The following EFCAB11 variants were observed in gnomAD, a reference collection of about 807,000 sequenced individuals.
The protein encoded by EFCAB11 is EF-hand calcium-binding domain-containing protein 11.
EFCAB11 carries 14 observed loss-of-function variants against 23.0 expected under a neutral mutation model. That is an observed-to-expected ratio of 0.61 (90% CI 0.40 to 0.95). EFCAB11 has a LOEUF of 0.95. Among genes scored for constraint, EFCAB11 ranks in the 40% least tolerant of loss-of-function variants. The probability of loss-of-function intolerance (pLI) is 0.00; values close to 1 mark genes in which losing one functional copy is unlikely to be tolerated. For synonymous variants in EFCAB11, 65 were observed against 66.6 expected (o/e 0.98, Z 0.11); for missense variants, 198 against 195.8 (o/e 1.01, Z -0.07).
At chr14:89,840,487 A>G (rs977329196) in intron 5 of EFCAB11, among the ~76,000 whole-genome samples, 2 of 152,240 alleles carry the variant, frequency 1.3e-5, no homozygotes, top group African/African-American at 4.8e-5. Flanking sequence ...CTTAGGAGGC[A>G]TCTCTTTCAG....
intron 2 of EFCAB11, among the ~76,000 whole-genome samples, chr14:89,951,137 ATAT>A (rs1257649927): frequency 6.6e-6 from 1 of 152,170 alleles, no homozygotes; most frequent in Non-Finnish European, 1.5e-5. Flanking sequence ...AATAGCCAGC[ATAT>A]TATTTAACGA....
At chr14:89,836,762 T>A (rs1470234708) in intron 5 of EFCAB11, 2 of 428,370 alleles carry the variant, frequency 4.7e-6, no homozygotes, top group Non-Finnish European at 9.4e-6. Flanking sequence ...CTTACACCTG[T>A]AATCCCAGCA....
intron 3 of EFCAB11, among the ~76,000 whole-genome samples, chr14:89,949,537 TG>T (rs1177127231): frequency 6.6e-6 from 1 of 151,540 alleles, no homozygotes; most frequent in Non-Finnish European, 1.5e-5. Flanking sequence ...GCTAATTTTT[TG>T]TATTTTTAGT....
intron 5 of EFCAB11, among the ~76,000 whole-genome samples, chr14:89,828,507 T>C (rs74082125): frequency 1.3e-3 from 204 of 152,296 alleles, no homozygotes; most frequent in African/African-American, 4.3e-3. Flanking sequence ...TCATAGTGCT[T>C]TTCCCCAGAA....
chr14:89,822,302 T>C (rs1404782564), intron 5 of EFCAB11, among the ~76,000 whole-genome samples: 1 of 152,232 alleles, frequency 6.6e-6, no homozygotes, highest in Non-Finnish European at 1.5e-5. Context: ...ATATGTATTA[T>C]TAAAACTCAG....
At chr14:89,909,441 T>C (rs1889594575) in intron 5 of EFCAB11, among the ~76,000 whole-genome samples, 1 of 151,848 alleles carries the variant, frequency 6.6e-6, no homozygotes, top group African/African-American at 2.4e-5. Context: ...TAGCTGGGAG[T>C]GGTGGCATGC....
chr14:89,806,971 G>A (rs1274602223), intron 5 of EFCAB11, among the ~76,000 whole-genome samples: 2 of 152,148 alleles, frequency 1.3e-5, no homozygotes, highest in Non-Finnish European at 1.5e-5. Context: ...GGAAACATAA[G>A]CATATATAAA....
At chr14:89,836,628 A>T (rs1418068738) in intron 5 of EFCAB11, 2 of 456,576 alleles carry the variant, frequency 4.4e-6, no homozygotes, top group Non-Finnish European at 4.4e-6. Context: ...TCCCAAATAA[A>T]ACCTCTCCCT....
rs1885583896 is a variant in EFCAB11 at position 89,796,708 on chromosome 14, A to G, written c.*535T>C. ...GCTATTATTTGTTCAACCAATGTTG[A>G]GCAAATGAAGGAAACTGGCACCATT... On this transcript the variant is annotated 3_prime_UTR_variant, in exon 6 of 6. Coordinates refer to ENST00000316738, the MANE Select transcript of EFCAB11 (RefSeq NM_145231.4). The G allele has an allele frequency of 6.5e-6, 1 of 152,756 alleles. No individual in the cohort carries two copies. The highest frequency in any genetic ancestry group is 1.5e-5 in the Non-Finnish European group (1 of 68,434). The allele number at this position is 152,756 out of a possible 1,614,324, so 9.5% of individuals were successfully genotyped here. A position where few individuals can be genotyped will look rare whatever the true frequency, so the allele number is the denominator to read the frequency against.
intron 5 of EFCAB11, among the ~76,000 whole-genome samples, chr14:89,822,156 C>T (rs1369761319): frequency 1.3e-5 from 2 of 151,868 alleles, no homozygotes; most frequent in African/African-American, 4.8e-5. Context: ...GCTTCTGGTG[C>T]GACCAGAGAT....
intron 5 of EFCAB11, among the ~76,000 whole-genome samples, chr14:89,812,845 TTC>T (rs1014700249): frequency 4.6e-5 from 7 of 152,204 alleles, no homozygotes; most frequent in Admixed American, 3.9e-4. Context: ...AAGGAAAATT[TTC>T]TTAGTACAAA....
chr14:89,806,435 G>A (rs1482101125), intron 5 of EFCAB11, among the ~76,000 whole-genome samples: 3 of 152,066 alleles, frequency 2.0e-5, no homozygotes, highest in South Asian at 2.1e-4. Context: ...GGATATGATC[G>A]TGTTTCTAAC....
intron 5 of EFCAB11, among the ~76,000 whole-genome samples, chr14:89,866,938 T>G (rs1888111202): frequency 6.6e-6 from 1 of 152,198 alleles, no homozygotes; most frequent in African/African-American, 2.4e-5. Flanking sequence ...ACCCAGCTAA[T>G]TTTTGTATTT....
At position 89,846,392 on chromosome 14, in the gene EFCAB11, T is replaced by C. The variant is rs570462603; in HGVS notation, c.411-49068A>G. On this transcript the variant is annotated intron_variant, in intron 5 of 5. Transcript: ENST00000316738. ...TCCATCATAATGGGGAAGGACCTCT[T>C]TAGACATTACATTTGGATTATTAAC... Among the ~76,000 whole-genome samples the C allele has an allele frequency of 2.0e-5, 3 of 152,322 alleles. No individual in the cohort carries two copies. The South Asian group carries it at 6.2e-4, about 32-fold the overall frequency.
intron 5 of EFCAB11, among the ~76,000 whole-genome samples, chr14:89,814,471 G>A (rs944070255): frequency 6.6e-6 from 1 of 152,180 alleles, no homozygotes; most frequent in Non-Finnish European, 1.5e-5. Flanking sequence ...TTGGGAGGGC[G>A]AGGCGGGCAG....
At chr14:89,833,329 C>G (rs1886951407) in intron 5 of EFCAB11, among the ~76,000 whole-genome samples, 1 of 152,100 alleles carries the variant, frequency 6.6e-6, no homozygotes, top group African/African-American at 2.4e-5. Context: ...AGTCTGAAGG[C>G]TAGGACAAGA....
intron 5 of EFCAB11, among the ~76,000 whole-genome samples, chr14:89,799,702 G>C (rs564360130): frequency 1.3e-5 from 2 of 150,820 alleles, no homozygotes; most frequent in South Asian, 4.2e-4. Context: ...AGGAGGGCAA[G>C]ACCTTTGTCT....
chr14:89,816,377 T>C (rs1019274848), intron 5 of EFCAB11, among the ~76,000 whole-genome samples: 17 of 152,192 alleles, frequency 1.1e-4, no homozygotes, highest in African/African-American at 4.1e-4. Flanking sequence ...CAACATTTCC[T>C]TAAAAAGAAA....
chr14:89,812,828 T>C (rs775322438), intron 5 of EFCAB11, among the ~76,000 whole-genome samples: 1 of 152,106 alleles, frequency 6.6e-6, no homozygotes. Context: ...ACCAAGAATA[T>C]GGAAGCAAGG....
Sources: allele counts gnomAD v4.1 joint callset (sites outside exome capture counted in the v4.1 genomes callset), GRCh38; gene constraint gnomAD v4.1.1; transcripts MANE v1.5; gene names NCBI Gene and HGNC (gene_info 2026-07-23, HGNC 2026-07-21).